NEDD4L: variants seen among roughly 807,000 people sequenced by gnomAD.
The protein encoded by NEDD4L is NEDD4 like E3 ubiquitin protein ligase.
NEDD4L carries 54 observed loss-of-function variants against 148.9 expected under a neutral mutation model. The ratio of observed to expected loss-of-function variants is 0.36; its 90% confidence interval spans 0.29 to 0.45. NEDD4L has a LOEUF of 0.45. Ranked by LOEUF, NEDD4L falls within the 20% of genes least tolerant of loss-of-function variation. The probability of loss-of-function intolerance (pLI) is 1.00; values close to 1 mark genes in which losing one functional copy is unlikely to be tolerated. For missense variants in NEDD4L, 856 were observed against 1,233.8 expected (o/e 0.69, Z 4.59); for synonymous variants, 433 against 440.7 (o/e 0.98, Z 0.22).
intron 1 of NEDD4L, among the ~76,000 whole-genome samples, chr18:58,148,985 G>A (rs1290796203): frequency 6.6e-6 from 1 of 152,218 alleles, no homozygotes; most frequent in Non-Finnish European, 1.5e-5. Context: ...AGACCTATGA[G>A]GAGCCTAATA....
intron 5 of NEDD4L, among the ~76,000 whole-genome samples, chr18:58,273,639 CTG>C (rs1291141248): frequency 5.9e-5 from 9 of 152,136 alleles, no homozygotes; most frequent in Non-Finnish European, 1.3e-4. Flanking sequence ...ACATAAATAA[CTG>C]TGTTCATTAT....
chr18:58,208,702 T>A (rs2042212854), intron 2 of NEDD4L, among the ~76,000 whole-genome samples: 1 of 152,200 alleles, frequency 6.6e-6, no homozygotes, highest in South Asian at 2.1e-4. Context: ...CTGAAGCTAT[T>A]GCATAGACAA....
At chr18:58,205,959 T>C (rs545810050) in intron 2 of NEDD4L, among the ~76,000 whole-genome samples, 1 of 152,322 alleles carries the variant, frequency 6.6e-6, no homozygotes, top group South Asian at 2.1e-4. Context: ...TGGACTTTGC[T>C]TAGCTGATGA....
chr18:58,259,087 T>TA (rs2048999606), intron 5 of NEDD4L, among the ~76,000 whole-genome samples: 1 of 152,250 alleles, frequency 6.6e-6, no homozygotes, highest in Non-Finnish European at 1.5e-5. Context: ...CGGGATTCAT[T>TA]TGACAACGTG....
chr18:58,334,746 T>C (rs2041496592), intron 12 of NEDD4L, among the ~76,000 whole-genome samples: 1 of 152,228 alleles, frequency 6.6e-6, no homozygotes, highest in African/African-American at 2.4e-5. Context: ...TGTATGTTTT[T>C]TCTTGACTTC....
At chr18:58,284,273 C>T (rs937596781) in intron 5 of NEDD4L, among the ~76,000 whole-genome samples, 2 of 152,160 alleles carry the variant, frequency 1.3e-5, no homozygotes, top group African/African-American at 4.8e-5. Context: ...AGGACCCTCT[C>T]GGGAAAGTTT....
chr18:58,306,525 C>T (rs952487267), intron 5 of NEDD4L, among the ~76,000 whole-genome samples: 5 of 152,048 alleles, frequency 3.3e-5, no homozygotes, highest in Admixed American at 1.3e-4. Context: ...TTCCTTACAA[C>T]TCTGGTACAT....
At chr18:58,183,340 C>G (rs1348981205) in intron 2 of NEDD4L, among the ~76,000 whole-genome samples, 1 of 152,156 alleles carries the variant, frequency 6.6e-6, no homozygotes, top group Non-Finnish European at 1.5e-5. Flanking sequence ...TGGTGCTGTC[C>G]CTGTTGAAGT....
At chr18:58,184,793 C>T (rs143931714) in intron 2 of NEDD4L, among the ~76,000 whole-genome samples, 9,228 of 151,720 alleles carry the variant, frequency 0.061, 895 homozygotes, top group African/African-American at 0.21. Context: ...CTGGGCATGG[C>T]GGCGGGCGCC....
At chr18:58,219,933 T>C (rs190208234) in intron 2 of NEDD4L, among the ~76,000 whole-genome samples, 1 of 152,338 alleles carries the variant, frequency 6.6e-6, no homozygotes, top group East Asian at 1.9e-4. Context: ...TTATAGTGTA[T>C]TGTGGTTCTT....
chr18:58,280,625 A>G (rs2148957279), intron 5 of NEDD4L, among the ~76,000 whole-genome samples: 1 of 152,302 alleles, frequency 6.6e-6, no homozygotes, highest in Non-Finnish European at 1.5e-5. Context: ...TGCTTCCACT[A>G]GGAAAGCACA....
chr18:58,177,887 G>C (rs1450593981), intron 2 of NEDD4L, among the ~76,000 whole-genome samples: 1 of 152,180 alleles, frequency 6.6e-6, no homozygotes, highest in Non-Finnish European at 1.5e-5. Flanking sequence ...TAAGTGAACT[G>C]GCAAATTCTT....
At chr18:58,044,789 C>T in intron 1 of NEDD4L, 81 bp downstream of exon 1, 4 of 1,522,204 alleles carry the variant, frequency 2.6e-6, no homozygotes, top group South Asian at 1.2e-5. Context: ...AAGGGGCCGT[C>T]CCCGGGGTGC....
At chr18:58,395,004 G>C (rs972270279) in intron 30 of NEDD4L, among the ~76,000 whole-genome samples, 1 of 152,172 alleles carries the variant, frequency 6.6e-6, no homozygotes, top group Non-Finnish European at 1.5e-5. Context: ...ACCTGGCCCC[G>C]TGTGACCTTG....
chr18:58,202,151 C>T lies in NEDD4L; in HGVS notation c.122+36290C>T, dbSNP rs574430630. On this transcript the variant is annotated intron_variant, in intron 2 of 30. Transcript: ENST00000400345. Reference sequence around the variant, plus strand: ...CCCTGATTTAAGAGGTGCAGCTCTTCAGGCCATAAACCTTTCTTCCTGCCT... The same window carrying T: ...CCCTGATTTAAGAGGTGCAGCTCTTTAGGCCATAAACCTTTCTTCCTGCCT... Among the ~76,000 whole-genome samples the T allele has an allele frequency of 2.5e-3, 376 of 152,346 alleles. 1 individual carries two copies. The highest frequency in any genetic ancestry group is 8.8e-3 in the African/African-American group (364 of 41,572).
Position 58,256,560 on chromosome 18 carries a change from C to T in NEDD4L, c.297+4506C>T, listed in dbSNP as rs1037284530. The T allele has an allele frequency of 2.4e-6, 3 of 1,232,316 alleles. No homozygotes were observed. Among genetic ancestry groups the T allele is most frequent in the Non-Finnish European group, 3.0e-6 (3 of 988,106 alleles). 76.3% of individuals were successfully genotyped at this position (1,232,316 alleles called of 1,614,324 possible). On this transcript the variant is annotated intron_variant, in intron 5 of 30. Coordinates refer to ENST00000400345, the MANE Select transcript of NEDD4L (RefSeq NM_001144967.3). This position sits in a 1 kb window ranked among gnomAD's most constrained non-coding sequence, Gnocchi z 5.2. ...GAAGATCGGGGAGCCCTGGAGGCAT[C>T]GCCTCGAGCTGGCAGGATGGCTCCT...
intron 1 of NEDD4L, 67 bp downstream of exon 1, chr18:58,044,775 G>T: frequency 3.8e-6 from 6 of 1,570,460 alleles, no homozygotes; most frequent in Non-Finnish European, 5.2e-6. Context: ...GCAGGGGGAG[G>T]GGAAAGGGGC....
intron 18 of NEDD4L, among the ~76,000 whole-genome samples, chr18:58,355,769 A>G (rs2044527418): frequency 1.3e-5 from 2 of 151,512 alleles, no homozygotes; most frequent in Non-Finnish European, 2.9e-5. Flanking sequence ...GCATGAAAAC[A>G]AAAGATTCTA....
chr18:58,191,015 G>A (rs1308251362), intron 2 of NEDD4L, among the ~76,000 whole-genome samples: 1 of 152,158 alleles, frequency 6.6e-6, no homozygotes, highest in Non-Finnish European at 1.5e-5. Context: ...GGAAGCTGAG[G>A]TGGGAGGATT....
Sources: allele counts gnomAD v4.1 joint callset (sites outside exome capture counted in the v4.1 genomes callset), GRCh38; gene constraint gnomAD v4.1.1; non-coding constraint Gnocchi (gnomAD v3.1); transcripts MANE v1.5; gene names NCBI Gene and HGNC (gene_info 2026-07-23, HGNC 2026-07-21).